FAM76A: variants seen among roughly 807,000 people sequenced by gnomAD.
FAM76A encodes family with sequence similarity 76 member A.
In FAM76A, 32 loss-of-function variants were observed where a neutral mutation model predicts 46.2. The observed-to-expected ratio is 0.69, with a 90% CI of 0.52 to 0.93. The LOEUF (loss-of-function observed/expected upper bound fraction) is 0.93. Among genes scored for constraint, FAM76A ranks in the 40% least tolerant of loss-of-function variants. The pLI is 0.00. For synonymous variants in FAM76A, 137 were observed against 127.0 expected, an observed-to-expected ratio of 1.08 and a Z score of -0.53; for missense variants, 274 against 361.5, an observed-to-expected ratio of 0.76 and a Z score of 1.96.
At chr1:27,728,702 C>A (rs1233373384) in intron 2 of FAM76A, among the ~76,000 whole-genome samples, 2 of 152,118 alleles carry the variant, frequency 1.3e-5, no homozygotes, top group Non-Finnish European at 2.9e-5. Context: ...TGGCTCATGC[C>A]TGTAAACCCA....
At chr1:27,751,871 A>T (rs1423610583) in intron 6 of FAM76A, among the ~76,000 whole-genome samples, 1 of 138,168 alleles carries the variant, frequency 7.2e-6, no homozygotes, top group Non-Finnish European at 1.6e-5. Context: ...TGGCGCAATT[A>T]TGGCTCACTG....
At chr1:27,753,157 A>AC (rs1246314295) in intron 6 of FAM76A, among the ~76,000 whole-genome samples, 1 of 152,218 alleles carries the variant, frequency 6.6e-6, no homozygotes, top group African/African-American at 2.4e-5. Context: ...AGCCTAGGCA[A>AC]CAAGAGTGAA....
intron 4 of FAM76A, among the ~76,000 whole-genome samples, chr1:27,742,888 G>A (rs868645380): frequency 4.3e-4 from 65 of 152,020 alleles, no homozygotes; most frequent in African/African-American, 1.4e-3. Flanking sequence ...GTGAAACTCC[G>A]TCTCTACTAA....
intron 2 of FAM76A, among the ~76,000 whole-genome samples, chr1:27,731,183 C>G (rs920473878): frequency 7.1e-6 from 1 of 141,576 alleles, no homozygotes; most frequent in Admixed American, 7.2e-5. Context: ...GTGCTTAACT[C>G]TTAGAGAAAT....
At chr1:27,747,509 G>A (rs2088260367) in intron 5 of FAM76A, among the ~76,000 whole-genome samples, 1 of 152,236 alleles carries the variant, frequency 6.6e-6, no homozygotes, top group Non-Finnish European at 1.5e-5. Context: ...AGCAGAGACA[G>A]AGTTCCAGCT....
chr1:27,755,068 C>A, intron 6 of FAM76A, 127 bp from the exon 7 acceptor site: 1 of 993,798 alleles, frequency 1.0e-6, no homozygotes, highest in Non-Finnish European at 1.5e-6. Context: ...ATGTGTGGTG[C>A]AATGTGCTTG....
intron 4 of FAM76A, chr1:27,739,230 C>G (rs927166630): frequency 2.0e-6 from 1 of 493,446 alleles, no homozygotes; most frequent in Non-Finnish European, 4.1e-6. Flanking sequence ...CATGCTGAAC[C>G]AGGGGCTGAA....
At chr1:27,750,076 G>A (rs1328611534) in intron 6 of FAM76A, among the ~76,000 whole-genome samples, 7 of 152,084 alleles carry the variant, frequency 4.6e-5, no homozygotes, top group Admixed American at 4.6e-4. Context: ...GCATCCTGAA[G>A]TGAAACCACC....
intron 5 of FAM76A, 23 bp from the exon 6 acceptor site, chr1:27,749,045 C>G (rs1489930708): frequency 1.2e-5 from 17 of 1,473,018 alleles, no homozygotes; most frequent in Non-Finnish European, 1.5e-5. Flanking sequence ...TAATGTGTGT[C>G]TCTCTATTTT....
intron 6 of FAM76A, among the ~76,000 whole-genome samples, chr1:27,754,744 G>T (rs2088382747): frequency 6.6e-6 from 1 of 152,142 alleles, no homozygotes; most frequent in African/African-American, 2.4e-5. Flanking sequence ...TGGGACAGAA[G>T]ACAAGGACCT....
Position 27,761,295 on chromosome 1 carries a change from A to G in FAM76A, c.*714A>G, listed in dbSNP as rs969824695. The G allele has an allele frequency of 1.3e-5, 2 of 152,610 alleles. No homozygotes were observed. The highest frequency in any genetic ancestry group is 4.8e-5 in the African/African-American group (2 of 41,456). 9.5% of individuals were successfully genotyped at this position (152,610 alleles called of 1,614,324 possible). On this transcript the variant is annotated 3_prime_UTR_variant, in exon 9 of 9. Coordinates refer to ENST00000373954, the MANE Select transcript of FAM76A (RefSeq NM_152660.3). Reference sequence around the variant, plus strand: ...ACAGTCCTATTCACTAGCTTTTAGTAAAAGAATCAGATCTTTTCTTTCTTG... The same window carrying G: ...ACAGTCCTATTCACTAGCTTTTAGTGAAAGAATCAGATCTTTTCTTTCTTG...
chr1:27,742,218 A>G (rs1005528356), intron 4 of FAM76A, among the ~76,000 whole-genome samples: 1 of 152,240 alleles, frequency 6.6e-6, no homozygotes, highest in Admixed American at 6.5e-5. Flanking sequence ...GTAAAATTCC[A>G]TAATGTATCA....
intron 4 of FAM76A, among the ~76,000 whole-genome samples, chr1:27,734,956 C>G (rs142813724): frequency 6.6e-6 from 1 of 152,242 alleles, no homozygotes; most frequent in African/African-American, 2.4e-5. Context: ...TCATATTACT[C>G]TCTTGCTTAA....
intron 5 of FAM76A, among the ~76,000 whole-genome samples, chr1:27,747,258 T>C (rs1043910453): frequency 6.6e-6 from 1 of 152,218 alleles, no homozygotes; most frequent in Admixed American, 6.5e-5. Flanking sequence ...GTTAAAATCA[T>C]GCTCTTAAAT....
Position 27,747,800 on chromosome 1 carries a change from G to A in FAM76A, c.513-1268G>A, listed in dbSNP as rs543321022. Among the ~76,000 whole-genome samples, 42 of 152,186 alleles carry A rather than the reference G, an allele frequency of 2.8e-4. 1 individual carries two copies. In the South Asian group the frequency reaches 7.9e-3, roughly 29 times the overall value. ...GTGTGGTGGCTGGCGCGCACCTGTA[G>A]TCCCAGCTATTCGGGAGGCTGAGGT... On this transcript the variant is annotated intron_variant, in intron 5 of 8. Coordinates refer to ENST00000373954, the MANE Select transcript of FAM76A (RefSeq NM_152660.3).
At chr1:27,750,867 A>C (rs1464034067) in intron 6 of FAM76A, among the ~76,000 whole-genome samples, 1 of 152,224 alleles carries the variant, frequency 6.6e-6, no homozygotes, top group African/African-American at 2.4e-5. Context: ...CCTCCAGAAA[A>C]GATATTAAAT....
At chr1:27,759,667 C>G (rs2088470134) in intron 8 of FAM76A, 40 bp downstream of exon 8, 1 of 1,366,264 alleles carries the variant, frequency 7.3e-7, no homozygotes, top group East Asian at 2.3e-5. Context: ...AAATTGTGTA[C>G]CTACCTGGTA....
At chr1:27,740,196 A>G (rs1052069017) in intron 4 of FAM76A, 25 of 601,564 alleles carry the variant, frequency 4.2e-5, no homozygotes, top group Middle Eastern at 5.7e-4. Flanking sequence ...ATCAATAGCT[A>G]TAGCAGAAGC....
At chr1:27,738,982 G>T (rs979946807) in intron 4 of FAM76A, 3 of 168,462 alleles carry the variant, frequency 1.8e-5, no homozygotes, top group African/African-American at 7.2e-5. Context: ...ACAGAAAGAA[G>T]ATGGAGTGAA....
Sources: gnomAD v4.1 joint callset for allele counts (sites outside exome capture counted in the v4.1 genomes callset) on GRCh38, gnomAD v4.1.1 for gene constraint, MANE v1.5 for transcripts, NCBI Gene and HGNC (gene_info 2026-07-23, HGNC 2026-07-21) for gene names.